FAM53A: variants seen among roughly 807,000 people sequenced by gnomAD.
FAM53A encodes the protein protein FAM53A.
In FAM53A, 28 loss-of-function variants were observed where a neutral mutation model predicts 26.6. That is an observed-to-expected ratio of 1.05 (90% confidence interval 0.78 to 1.45). The LOEUF (loss-of-function observed/expected upper bound fraction) is 1.45. Ranked by LOEUF, FAM53A falls within the 40% of genes most tolerant of loss-of-function variation. The probability of loss-of-function intolerance (pLI) is 0.00; values close to 1 mark genes in which losing one functional copy is unlikely to be tolerated. For synonymous variants in FAM53A, 290 were observed against 253.1 expected (o/e 1.15, Z -1.38); for missense variants, 650 against 575.8 (o/e 1.13, Z -1.32).
In FAM53A at chr4:1,657,408, CG is replaced by C. The variant is rs1713469237; in HGVS notation, c.135del (p.Asn45LysfsTer246). 6.2e-7 allele frequency: 1 copy of C among 1,613,216 alleles called. No individual in the cohort carries two copies. The highest frequency in any genetic ancestry group is 8.5e-7 in the Non-Finnish European group (1 of 1,179,576). On this transcript the variant is annotated frameshift_variant and splice_region_variant, in exon 3 of 5. Coordinates refer to ENST00000308132, the MANE Select transcript of FAM53A (RefSeq NM_001174070.3). LOFTEE classifies it high-confidence loss of function. ...CGGCCACAGCTCCTAAAGTGCTCAC[CG>C]TTGAGCTCCAAAGGGAACAGACGAC... ...KSGRLFPLEL[N>X]DQSPWKVFSG...
chr4:1,587,483 C>A, the FAM53A span, among the ~76,000 whole-genome samples: 3 of 152,134 alleles, frequency 2.0e-5, no homozygotes, highest in African/African-American at 7.2e-5. Flanking sequence ...ATCAGCCCGA[C>A]CAACATGGTG....
chr4:1,618,995 C>T (rs1714914984), intron 1 of FAM53A, among the ~76,000 whole-genome samples: 1 of 152,234 alleles, frequency 6.6e-6, no homozygotes, highest in African/African-American at 2.4e-5. Context: ...ACGCTGCCAA[C>T]AAGACGGGGA....
intron 1 of FAM53A, among the ~76,000 whole-genome samples, chr4:1,677,663 A>G (rs920840217): frequency 1.3e-5 from 2 of 152,162 alleles, no homozygotes; most frequent in Admixed American, 6.5e-5. Flanking sequence ...ACAGAGAGGG[A>G]AGAGCTGTCA....
intron 1 of FAM53A, among the ~76,000 whole-genome samples, chr4:1,681,881 T>C (rs73188124): frequency 0.11 from 17,385 of 152,114 alleles, 1,334 homozygotes; most frequent in Non-Finnish European, 0.17. Context: ...TATCACCACA[T>C]GGAAAAAGAT....
chr4:1,663,695 G>A (rs947660601), intron 2 of FAM53A, among the ~76,000 whole-genome samples: 3 of 152,092 alleles, frequency 2.0e-5, no homozygotes, highest in Non-Finnish European at 4.4e-5. Context: ...TAGGCTGGGC[G>A]CAGTGGCTCA....
At chr4:1,649,751 C>CT (rs1182500052) in intron 4 of FAM53A, among the ~76,000 whole-genome samples, 1 of 152,266 alleles carries the variant, frequency 6.6e-6, no homozygotes, top group African/African-American at 2.4e-5. Flanking sequence ...ACCTGGCTGA[C>CT]TGAGCTCCAA....
chr4:1,620,944 T>C (rs975113633), intron 1 of FAM53A, among the ~76,000 whole-genome samples: 1 of 152,052 alleles, frequency 6.6e-6, no homozygotes, highest in East Asian at 1.9e-4. Flanking sequence ...TCTGGCTTTT[T>C]TCTGCTCCAC....
chr4:1,640,912 C>T lies in FAM53A; in HGVS notation c.*381G>A, dbSNP rs1375004192. 2.4e-6 allele frequency: 1 copy of T among 422,852 alleles called. No individual in the cohort carries two copies. Among genetic ancestry groups the T allele is most frequent in the Admixed American group, 3.4e-5 (1 of 29,108 alleles). The allele number at this position is 422,852 out of a possible 1,614,324, so 26.2% of individuals were successfully genotyped here. ...TGCAGGCAGCAGCCATGGCCCCGAC[C>T]AGCTCACAGGAAACCTAGTCTGTGC... is the stretch of plus-strand genomic sequence containing the variant. On this transcript the variant is annotated 3_prime_UTR_variant, in exon 5 of 5. Coordinates refer to ENST00000308132, the MANE Select transcript of FAM53A (RefSeq NM_001174070.3).
the FAM53A span, among the ~76,000 whole-genome samples, chr4:1,576,696 G>A: frequency 7.7e-4 from 117 of 152,334 alleles, no homozygotes; most frequent in East Asian, 0.019. Flanking sequence ...CGGGGACGCC[G>A]CAGGGGCGAC....
rs185081507 is a variant in FAM53A, at chr4:1,630,567, G to A, written c.432-12456C>T. Among the ~76,000 whole-genome samples, 92 of 152,290 alleles carry A rather than the reference G, an allele frequency of 6.0e-4. No individual in the cohort carries two copies. The highest frequency in any genetic ancestry group is 2.0e-3 in the African/African-American group (83 of 41,562). ...GCCCCGGGCCCCGTTCAGCCAGTCCGTCCCACACCTGAGGCAGGCTCAGCA... is the reference window on the plus strand; with the variant it reads ...GCCCCGGGCCCCGTTCAGCCAGTCCATCCCACACCTGAGGCAGGCTCAGCA... On this transcript the variant is annotated intron_variant, in intron 1 of 1. Coordinates refer to the FAM53A transcript ENST00000489029. The surrounding 1 kb of genome is among the most constrained non-coding windows in gnomAD (Gnocchi z 4.3).
At chr4:1,682,409 C>G (rs192598810) in intron 1 of FAM53A, among the ~76,000 whole-genome samples, 1 of 151,754 alleles carries the variant, frequency 6.6e-6, no homozygotes, top group Admixed American at 6.6e-5. Context: ...ATTACAGGCA[C>G]GCACCACCAC....
chr4:1,598,881 C>T, the FAM53A span, among the ~76,000 whole-genome samples: 5 of 152,354 alleles, frequency 3.3e-5, no homozygotes, highest in Non-Finnish European at 7.3e-5. Flanking sequence ...ATAAATGCTG[C>T]GTGATAAATG....
chr4:1,669,072 A>C (rs1160446978), intron 1 of FAM53A, among the ~76,000 whole-genome samples, 167 bp from the exon 2 acceptor site: 1 of 152,134 alleles, frequency 6.6e-6, no homozygotes, highest in Non-Finnish European at 1.5e-5. Context: ...TGGAAAATCT[A>C]ATCACGGTGG....
At chr4:1,610,877 T>TCTTTCTGCCCC in the FAM53A span, among the ~76,000 whole-genome samples, 2 of 152,084 alleles carry the variant, frequency 1.3e-5, no homozygotes, top group African/African-American at 4.8e-5. Context: ...CCGGCTGCCC[T>TCTTTCTGCCCC]CTTTCTGCCC....
In FAM53A at chr4:1,684,260, G is replaced by A. The variant is rs994083876; in HGVS notation, c.-192C>T. On this transcript the variant is annotated 5_prime_UTR_variant, in exon 1 of 5. Transcript: ENST00000308132. The stretch of plus-strand genomic sequence containing the variant: ...GAGCGCGGCCGCGGGGGTGCGGAGC[G>A]AGAAGACTGCCGGCCGCCCAGGCCC... 1.3e-5 allele frequency: 2 copies of A among 151,122 alleles called. No homozygotes were observed. Among genetic ancestry groups the A allele is most frequent in the African/African-American group, 2.4e-5 (1 of 41,248 alleles). 9.4% of individuals were successfully genotyped at this position (151,122 alleles called of 1,614,324 possible). A position where few individuals can be genotyped will look rare whatever the true frequency, so the allele number is the denominator to read the frequency against.
chr4:1,660,756 G>A (rs1401464894), intron 2 of FAM53A, among the ~76,000 whole-genome samples: 2 of 152,000 alleles, frequency 1.3e-5, no homozygotes, highest in Non-Finnish European at 2.9e-5. Context: ...AGGCGTGGTG[G>A]CGAGTGCCTG....
intron 4 of FAM53A, among the ~76,000 whole-genome samples, chr4:1,645,435 G>A (rs1039678547): frequency 3.9e-5 from 6 of 152,214 alleles, no homozygotes; most frequent in African/African-American, 1.4e-4. Context: ...GCTGGCCGAC[G>A]GCACATGAAA....
chr4:1,670,985 C>T (rs985650871), intron 1 of FAM53A, among the ~76,000 whole-genome samples: 9 of 148,992 alleles, frequency 6.0e-5, no homozygotes, highest in African/African-American at 2.0e-4. Flanking sequence ...ACGGCCCGGA[C>T]TCACCTCTGT....
chr4:1,597,224 G>A, the FAM53A span, among the ~76,000 whole-genome samples: 2 of 103,294 alleles, frequency 1.9e-5, no homozygotes, highest in Non-Finnish European at 4.3e-5. Flanking sequence ...TCAGCCGCCT[G>A]GCTCTCTATC....
Sources: gnomAD v4.1 joint callset for allele counts (sites outside exome capture counted in the v4.1 genomes callset) on GRCh38, gnomAD v4.1.1 for gene constraint, Gnocchi (gnomAD v3.1) non-coding constraint, MANE v1.5 for transcripts, NCBI Gene and HGNC (gene_info 2026-07-23, HGNC 2026-07-21) for gene names.